TACR1: variants seen among roughly 807,000 people sequenced by gnomAD.
The protein encoded by TACR1 is tachykinin receptor 1, also known as substance-P receptor.
In TACR1, 25 loss-of-function variants were observed where a neutral mutation model predicts 35.8. That is an observed-to-expected ratio of 0.70 (90% CI 0.51 to 0.98). The LOEUF (loss-of-function observed/expected upper bound fraction) is 0.98. Ranked by LOEUF, TACR1 falls within the 50% of genes least tolerant of loss-of-function variation. TACR1 has a pLI of 0.00. For missense variants in TACR1, 478 were observed against 522.9 expected, an observed-to-expected ratio of 0.91 and a Z score of 0.84; for synonymous variants, 195 against 206.7, an observed-to-expected ratio of 0.94 and a Z score of 0.48.
intron 2 of TACR1, among the ~76,000 whole-genome samples, chr2:75,070,873 C>T (rs548845535): frequency 3.3e-5 from 5 of 152,222 alleles, no homozygotes; most frequent in Middle Eastern, 3.4e-3. Context: ...TGGCAGGGGC[C>T]GCAAACTATG....
At chr2:75,158,034 T>A (rs1674906933) in intron 1 of TACR1, among the ~76,000 whole-genome samples, 1 of 152,226 alleles carries the variant, frequency 6.6e-6, no homozygotes, top group African/African-American at 2.4e-5. Flanking sequence ...TAAACCTTAT[T>A]TTAAGACTGA....
rs116310663 is a variant in TACR1 at position 75,176,747 on chromosome 2, G to A, written c.389+21799C>T. On this transcript the variant is annotated intron_variant, in intron 1 of 4. Coordinates refer to ENST00000305249, the MANE Select transcript of TACR1 (RefSeq NM_001058.4). ...TGTCTCAGTGTCTAATGTCAAGTAG[G>A]AAACTCTAATTAGGAAGATGGGCCT... Among the ~76,000 whole-genome samples, 1,092 of 152,232 alleles carry A rather than the reference G, an allele frequency of 7.2e-3. 10 individuals are homozygous for A. The highest frequency in any genetic ancestry group is 0.025 in the African/African-American group (1,036 of 41,546).
chr2:75,067,889 TG>T (rs1672798249), intron 2 of TACR1, among the ~76,000 whole-genome samples: 1 of 152,090 alleles, frequency 6.6e-6, no homozygotes, highest in Admixed American at 6.5e-5. Context: ...TGTCAGGAGC[TG>T]GGCCTGCAAA....
At chr2:75,153,560 A>G (rs1050682295) in intron 1 of TACR1, among the ~76,000 whole-genome samples, 1 of 152,234 alleles carries the variant, frequency 6.6e-6, no homozygotes, top group African/African-American at 2.4e-5. Flanking sequence ...TCCAGATCTG[A>G]TGACCTAAGA....
chr2:75,105,912 A>G (rs961325253), intron 2 of TACR1, among the ~76,000 whole-genome samples: 1 of 151,894 alleles, frequency 6.6e-6, no homozygotes, highest in African/African-American at 2.4e-5. Context: ...CACAACCAAG[A>G]GGAGCCTAAA....
chr2:75,164,613 TG>T (rs1675096846), intron 1 of TACR1, among the ~76,000 whole-genome samples: 1 of 152,160 alleles, frequency 6.6e-6, no homozygotes, highest in Non-Finnish European at 1.5e-5. Context: ...TCAGGCAGTT[TG>T]AAAGGTAAAC....
At chr2:75,151,310 G>A (rs1166228411) in intron 1 of TACR1, among the ~76,000 whole-genome samples, 1 of 152,184 alleles carries the variant, frequency 6.6e-6, no homozygotes, top group African/African-American at 2.4e-5. Context: ...CACAGGCCCA[G>A]AGGCCCAGAA....
At chr2:75,068,012 A>G (rs1296407928) in intron 2 of TACR1, among the ~76,000 whole-genome samples, 1 of 152,236 alleles carries the variant, frequency 6.6e-6, no homozygotes, top group African/African-American at 2.4e-5. Flanking sequence ...TCATCTGGGC[A>G]AGATATAATG....
intron 1 of TACR1, among the ~76,000 whole-genome samples, chr2:75,122,860 C>T (rs1673997173): frequency 6.6e-6 from 1 of 152,214 alleles, no homozygotes; most frequent in Admixed American, 6.5e-5. Context: ...ACACCATAGA[C>T]TAGATGACCT....
intron 1 of TACR1, among the ~76,000 whole-genome samples, chr2:75,157,045 CA>C (rs1224730558): frequency 6.6e-6 from 1 of 152,144 alleles, no homozygotes; most frequent in East Asian, 1.9e-4. Flanking sequence ...TCATGTCTCC[CA>C]TGCATTCCAG....
chr2:75,053,868 CCATTAATAAGCT>C, intron 2 of TACR1, 113 bp from the exon 3 acceptor site: 1 of 1,412,622 alleles, frequency 7.1e-7, no homozygotes, highest in Middle Eastern at 1.9e-4. Context: ...TCAGCATATG[CCATTAATAAGCT>C]TGGGCTGTAA....
At chr2:75,158,178 T>G (rs1319370328) in intron 1 of TACR1, among the ~76,000 whole-genome samples, 3 of 152,242 alleles carry the variant, frequency 2.0e-5, no homozygotes, top group Admixed American at 2.0e-4. Context: ...TCTGATTCAC[T>G]TCGGGTAAAT....
chr2:75,068,399 A>G (rs1328844947), intron 2 of TACR1, among the ~76,000 whole-genome samples: 2 of 152,160 alleles, frequency 1.3e-5, no homozygotes, highest in African/African-American at 2.4e-5. Context: ...ACAGCAACAT[A>G]TGGACTAGGG....
At chr2:75,086,994 A>G (rs1673201958) in intron 2 of TACR1, among the ~76,000 whole-genome samples, 2 of 152,328 alleles carry the variant, frequency 1.3e-5, no homozygotes, top group South Asian at 2.1e-4. Context: ...CATGTGGCCA[A>G]TGAGCCTTGA....
intron 2 of TACR1, among the ~76,000 whole-genome samples, chr2:75,071,351 C>T (rs1163797303): frequency 6.6e-6 from 1 of 152,246 alleles, no homozygotes; most frequent in African/African-American, 2.4e-5. Context: ...GGGATGCCCT[C>T]CCTTCTCTGG....
At chr2:75,189,170 T>C (rs4853119) in intron 1 of TACR1, 33,237 of 152,112 alleles carry the variant, frequency 0.22, 3,831 homozygotes, top group Admixed American at 0.26. Flanking sequence ...AAACTCGATT[T>C]CAGTGGAAAA....
intron 1 of TACR1, among the ~76,000 whole-genome samples, chr2:75,167,459 A>T (rs1002776411): frequency 3.9e-5 from 6 of 152,208 alleles, no homozygotes; most frequent in African/African-American, 1.4e-4. Context: ...TGAAAGATGG[A>T]TCAAACAACT....
intron 1 of TACR1, among the ~76,000 whole-genome samples, chr2:75,150,885 G>A (rs1482500424): frequency 1.3e-5 from 2 of 152,222 alleles, no homozygotes; most frequent in African/African-American, 4.8e-5. Context: ...CCAGGCTAAG[G>A]TGGTCTCAGA....
At position 75,108,677 on chromosome 2, in the gene TACR1, A is replaced by G. The variant is rs1284052469; in HGVS notation, c.584+11897T>C. 2.0e-5 allele frequency among the ~76,000 whole-genome samples: 3 copies of G among 152,182 alleles called. No individual in the cohort carries two copies. In the East Asian group the frequency reaches 5.8e-4, roughly 29 times the overall value. ...CAGAAATAAGAGGCATAACCACTAG[A>G]AAGATGGAGACAAAATCATTATTTA... On this transcript the variant is annotated intron_variant, in intron 2 of 4. Transcript: ENST00000305249.
Sources: allele counts gnomAD v4.1 joint callset (sites outside exome capture counted in the v4.1 genomes callset), GRCh38; gene constraint gnomAD v4.1.1; transcripts MANE v1.5; gene names NCBI Gene and HGNC (gene_info 2026-07-23, HGNC 2026-07-21).